The following KCNT2 variants were observed in gnomAD, a reference collection of about 807,000 sequenced individuals.
KCNT2 encodes potassium sodium-activated channel subfamily T member 2, also known as potassium channel subfamily T member 2.
Under a neutral mutation model 153.8 loss-of-function variants are expected in KCNT2, and 67 were observed. The ratio of observed to expected loss-of-function variants is 0.44; its 90% CI spans 0.36 to 0.53. The LOEUF (loss-of-function observed/expected upper bound fraction) is 0.53, where lower values mean the gene tolerates loss of function less well. Ranked by LOEUF, KCNT2 falls within the 20% of genes least tolerant of loss-of-function variation. The pLI, the probability that KCNT2 is intolerant of heterozygous loss-of-function variation, is 0.00. For synonymous variants in KCNT2, 500 were observed against 458.8 expected (o/e 1.09, Z -1.15); for missense variants, 975 against 1,354.8 (o/e 0.72, Z 4.40).
intron 19 of KCNT2, among the ~76,000 whole-genome samples, chr1:196,324,803 GA>G (rs2148062721): frequency 6.6e-6 from 1 of 152,134 alleles, no homozygotes; most frequent in African/African-American, 2.4e-5. Context: ...TTTTGTGATT[GA>G]TCAAGGAATG....
chr1:196,597,708 G>A (rs1024292678), intron 1 of KCNT2, among the ~76,000 whole-genome samples: 4 of 152,114 alleles, frequency 2.6e-5, no homozygotes, highest in African/African-American at 9.7e-5. Flanking sequence ...ATACAAATTT[G>A]TGGAAGTCAT....
At chr1:196,391,120 G>T (rs764774585) in intron 13 of KCNT2, among the ~76,000 whole-genome samples, 1 of 151,206 alleles carries the variant, frequency 6.6e-6, no homozygotes, top group Admixed American at 6.6e-5. Flanking sequence ...GGGTTGTAAG[G>T]CTCCAACTAA....
chr1:196,511,279 G>A (rs1004375807), intron 1 of KCNT2, among the ~76,000 whole-genome samples: 12 of 152,078 alleles, frequency 7.9e-5, no homozygotes, highest in African/African-American at 2.7e-4. Context: ...GGTGCTATCT[G>A]TCAATTTTTG....
intron 25 of KCNT2, among the ~76,000 whole-genome samples, chr1:196,270,254 G>A (rs935483956): frequency 2.0e-5 from 3 of 151,792 alleles, no homozygotes; most frequent in Non-Finnish European, 2.9e-5. Context: ...GTGGCCCAAG[G>A]TCTAAATCAG....
chr1:196,552,748 A>G (rs1039204719), intron 1 of KCNT2, among the ~76,000 whole-genome samples: 3 of 151,436 alleles, frequency 2.0e-5, no homozygotes, highest in Non-Finnish European at 4.4e-5. Flanking sequence ...TAAAGAGAAC[A>G]ATAAAAAGGT....
chr1:196,404,638 C>T (rs961612767), intron 12 of KCNT2, among the ~76,000 whole-genome samples: 2 of 151,456 alleles, frequency 1.3e-5, no homozygotes, highest in African/African-American at 4.8e-5. Context: ...TTTCTTCTGA[C>T]TACTGGTAAA....
intron 13 of KCNT2, among the ~76,000 whole-genome samples, chr1:196,396,050 C>T (rs879542390): frequency 2.0e-5 from 3 of 151,586 alleles, no homozygotes; most frequent in Non-Finnish European, 4.4e-5. Flanking sequence ...AGTGACTTAA[C>T]CACCATTTTA....
chr1:196,530,400 A>T (rs773440224), intron 1 of KCNT2, among the ~76,000 whole-genome samples: 1 of 151,958 alleles, frequency 6.6e-6, no homozygotes, highest in South Asian at 2.1e-4. Context: ...ACATTTAGTT[A>T]AATATTTTTG....
At chr1:196,487,510 A>G (rs1013778781) in intron 3 of KCNT2, among the ~76,000 whole-genome samples, 1 of 151,772 alleles carries the variant, frequency 6.6e-6, no homozygotes, top group African/African-American at 2.4e-5. Flanking sequence ...CACAATGACC[A>G]GAAACACCAG....
chr1:196,499,500 G>A (rs2148758168), intron 1 of KCNT2, among the ~76,000 whole-genome samples: 1 of 152,296 alleles, frequency 6.6e-6, no homozygotes, highest in South Asian at 2.1e-4. Flanking sequence ...CCTGAATGAA[G>A]GCATAATGTG....
At chr1:196,247,685 T>C (rs1268964930) in intron 26 of KCNT2, among the ~76,000 whole-genome samples, 2 of 152,140 alleles carry the variant, frequency 1.3e-5, no homozygotes, top group Non-Finnish European at 2.9e-5. Context: ...GAACTCACTA[T>C]TATAAGAACA....
chr1:196,433,325 A>C (rs1405605293), intron 8 of KCNT2, among the ~76,000 whole-genome samples: 1 of 152,142 alleles, frequency 6.6e-6, no homozygotes, highest in East Asian at 1.9e-4. Flanking sequence ...AATTAAAAGA[A>C]GCCAAGTTCT....
intron 5 of KCNT2, among the ~76,000 whole-genome samples, chr1:196,473,635 A>T (rs948933245): frequency 1.3e-5 from 2 of 152,192 alleles, no homozygotes; most frequent in African/African-American, 4.8e-5. Context: ...CTTTTCAGTT[A>T]TATGCATTGA....
At chr1:196,556,694 C>T (rs1302989235) in intron 1 of KCNT2, among the ~76,000 whole-genome samples, 2 of 151,418 alleles carry the variant, frequency 1.3e-5, no homozygotes, top group African/African-American at 2.4e-5. Context: ...TTTGTTGCAG[C>T]ACTGTTCACA....
intron 25 of KCNT2, among the ~76,000 whole-genome samples, chr1:196,260,230 C>A (rs1259016711): frequency 1.3e-5 from 2 of 151,798 alleles, no homozygotes; most frequent in Non-Finnish European, 3.0e-5. Flanking sequence ...CCAAACCAAA[C>A]ATTAAAGATA....
At chr1:196,503,069 G>A (rs1680828966) in intron 1 of KCNT2, among the ~76,000 whole-genome samples, 1 of 151,604 alleles carries the variant, frequency 6.6e-6, no homozygotes, top group African/African-American at 2.4e-5. Context: ...TATTAAATGT[G>A]TAATAAAGAG....
intron 1 of KCNT2, among the ~76,000 whole-genome samples, chr1:196,525,184 G>T (rs763999678): frequency 2.6e-5 from 4 of 151,958 alleles, no homozygotes; most frequent in Admixed American, 6.6e-5. Flanking sequence ...CGACCACAAT[G>T]GTAGTATTTT....
intron 12 of KCNT2, chr1:196,404,129 TA>T (rs1043380773): frequency 1.0e-6 from 1 of 977,548 alleles, no homozygotes; most frequent in African/African-American, 1.8e-5. Flanking sequence ...CTGTCTCACT[TA>T]CCTTGCATTT....
intron 1 of KCNT2, among the ~76,000 whole-genome samples, chr1:196,564,795 G>C (rs981848544): frequency 6.6e-5 from 10 of 151,718 alleles, no homozygotes. Flanking sequence ...TTGCAGAACA[G>C]TGAATTGAAT....
Sources: gnomAD v4.1 joint callset for allele counts (sites outside exome capture counted in the v4.1 genomes callset) on GRCh38, gnomAD v4.1.1 for gene constraint, MANE v1.5 for transcripts, NCBI Gene and HGNC (gene_info 2026-07-23, HGNC 2026-07-21) for gene names.